The following ERAP2 variants were observed in gnomAD, a reference collection of about 807,000 sequenced individuals.
ERAP2 encodes leukocyte-derived arginine aminopeptidase.
Under a neutral mutation model 111.1 loss-of-function variants are expected in ERAP2, and 118 were observed. The observed-to-expected ratio is 1.06, with a 90% CI of 0.92 to 1.24. The LOEUF (loss-of-function observed/expected upper bound fraction) is 1.24. ERAP2 is among the 50% of genes most tolerant of loss of function. The pLI is 0.00. For synonymous variants in ERAP2, 410 were observed against 401.2 expected, an observed-to-expected ratio of 1.02 and a Z score of -0.26; for missense variants, 1,131 against 1,125.8, an observed-to-expected ratio of 1.00 and a Z score of -0.07.
chr5:96,906,833 A>T (rs1291061805), intron 13 of ERAP2, among the ~76,000 whole-genome samples: 1 of 152,152 alleles, frequency 6.6e-6, no homozygotes, highest in Non-Finnish European at 1.5e-5. Context: ...GGAGTTCAAG[A>T]CCAGCCTGGC....
At position 96,896,854 on chromosome 5, in the gene ERAP2, T is replaced by C. The variant is rs1784909705; in HGVS notation, c.1494T>C (p.Ser498=). ...CTAAGAATGATGACTTGTGGAGCAG[T>C]CTGTCAAATGTAAGTCATATGTTGG... is the stretch of plus-strand genomic sequence containing the variant. ...RNAKNDDLWS[S]LSNSCLESDF... is the part of the protein sequence containing the mutation. The change falls in exon 9 of 19, where the codon AGT becomes AGC. Residue 498 remains serine (S), a synonymous_variant. Transcript: ENST00000437043. 9.9e-7 allele frequency: 1 copy of C among 1,008,738 alleles called. No individual in the cohort carries two copies. Among genetic ancestry groups the C allele is most frequent in the East Asian group, 5.0e-5 (1 of 20,100 alleles). 62.5% of individuals were successfully genotyped at this position (1,008,738 alleles called of 1,614,324 possible). A position where few individuals can be genotyped will look rare whatever the true frequency, so the allele number is the denominator to read the frequency against.
intron 4 of ERAP2, among the ~76,000 whole-genome samples, chr5:96,888,892 C>G (rs1377893150): frequency 6.6e-6 from 1 of 152,086 alleles, no homozygotes; most frequent in Admixed American, 6.6e-5. Flanking sequence ...AAGTGGGTTC[C>G]TCTCTATGAT....
At chr5:96,913,880 T>A (rs940530002) in intron 17 of ERAP2, among the ~76,000 whole-genome samples, 3 of 152,192 alleles carry the variant, frequency 2.0e-5, no homozygotes, top group African/African-American at 7.2e-5. Flanking sequence ...TAAGAGCTAC[T>A]CCTCACCCCT....
chr5:96,915,756 A>G lies in ERAP2; in HGVS notation c.2726A>G (p.Asp909Gly). ...SGTTAHFSSK[D>G]KLQEVKLFFE... is the part of the protein sequence containing the mutation. ...ACAACAGCTCACTTTTCTTCCAAGG[A>G]TAAGTTGCAAGAGGTTTGTGACTTT... The change falls in exon 18 of 19, where the codon GAT becomes GGT. Residue 909 changes from aspartate (D) to glycine (G), a missense_variant. By Grantham distance (94) the Asp-to-Gly change is moderately conservative. Coordinates refer to ENST00000437043, the MANE Select transcript of ERAP2 (RefSeq NM_022350.5). 4 of 1,602,110 alleles carry G rather than the reference A, an allele frequency of 2.5e-6. No individual in the cohort carries two copies. The highest frequency in any genetic ancestry group is 1.1e-5 in the South Asian group (1 of 88,948).
rs139804478 is a variant in ERAP2, at chr5:96,902,287, A to T, written c.1762A>T (p.Ile588Phe). The change falls in exon 12 of 19, where the codon ATC becomes TTC. Residue 588 changes from isoleucine to phenylalanine, a missense_variant. Ile to Phe is a conservative substitution (Grantham distance 21, BLOSUM62 0). Coordinates refer to ENST00000437043, the MANE Select transcript of ERAP2 (RefSeq NM_022350.5). The stretch of plus-strand genomic sequence containing the variant: ...TCTCTGTCATAGGTACCTGTGGCAT[A>T]TCCCATTGACCTACTCCACGAGTTC... ...RALQERYLWH[I>F]PLTYSTSSSN... 64 of 1,608,062 alleles carry T rather than the reference A, an allele frequency of 4.0e-5. No homozygotes were observed. The African/African-American group carries it at 8.4e-4, about 21-fold the overall frequency.
At chr5:96,909,481 A>G in intron 14 of ERAP2, 99 bp from the exon 15 acceptor site, 1 of 892,528 alleles carries the variant, frequency 1.1e-6, no homozygotes, top group Non-Finnish European at 1.8e-6. Context: ...AAAGATTGGG[A>G]AAGATGCAGA....
chr5:96,882,744 C>A (rs1783283203), intron 2 of ERAP2, among the ~76,000 whole-genome samples: 1 of 152,124 alleles, frequency 6.6e-6, no homozygotes, highest in African/African-American at 2.4e-5. Flanking sequence ...ACAAATAAAA[C>A]CTTGAGGCCA....
chr5:96,895,165 T>C, intron 6 of ERAP2, 81 bp from the exon 7 acceptor site: 2 of 772,626 alleles, frequency 2.6e-6, no homozygotes, highest in Non-Finnish European at 2.1e-6. Flanking sequence ...AAAAAAAAAG[T>C]TAGTAACTAT....
In ERAP2 at chr5:96,889,306, G is replaced by A; in HGVS notation, c.970+1G>A. The A allele has an allele frequency of 6.2e-7, 1 of 1,613,962 alleles. No homozygotes were observed. The highest frequency in any genetic ancestry group is 8.5e-7 in the Non-Finnish European group (1 of 1,179,926). On this transcript the variant is annotated splice_donor_variant, in intron 5 of 18. Transcript: ENST00000437043. LOFTEE classifies it high-confidence loss of function. ...ATCTACTATCCACTCTCCAAACTGG[G>A]TATGTTCAAATTCCACATTATTGTC...
At chr5:96,884,684 AG>A (rs1783540812) in intron 3 of ERAP2, among the ~76,000 whole-genome samples, 1 of 150,676 alleles carries the variant, frequency 6.6e-6, no homozygotes, top group Non-Finnish European at 1.5e-5. Flanking sequence ...CAGCCTCCCA[AG>A]TAGCTGGGAT....
chr5:96,910,003 C>T (rs145598537), intron 15 of ERAP2: 229 of 378,408 alleles, frequency 6.1e-4, no homozygotes, highest in African/African-American at 4.2e-3. Context: ...CAGTGGCCCA[C>T]GCCTATAATC....
chr5:96,883,732 G>C (rs2151123493), intron 2 of ERAP2, 60 bp from the exon 3 acceptor site: 1 of 1,545,110 alleles, frequency 6.5e-7, no homozygotes, highest in Non-Finnish European at 8.7e-7. Context: ...TGAATGTACA[G>C]ATTCATTTCT....
chr5:96,903,595 A>G (rs773489558), intron 13 of ERAP2, 35 bp downstream of exon 13: 1 of 1,545,110 alleles, frequency 6.5e-7, no homozygotes, highest in South Asian at 1.2e-5. Flanking sequence ...CATGCAAAAT[A>G]ACTGATTCGT....
rs1350253442 is a variant in ERAP2, at chr5:96,896,728, A to T, written c.1372-4A>T. ...TTTTTCAACTCTTTTGTTTTTTTTT[A>T]AAGGGAGCTTGTATTTTGAATATGC... On this transcript the variant is annotated splice_region_variant and splice_polypyrimidine_tract_variant and intron_variant, in intron 8 of 18. Transcript: ENST00000437043. 4.9e-5 allele frequency: 75 copies of T among 1,520,546 alleles called. No homozygotes were observed. The highest frequency in any genetic ancestry group is 3.2e-4 in the Admixed American group (14 of 43,604). 94.2% of individuals were successfully genotyped at this position (1,520,546 alleles called of 1,614,324 possible).
Position 96,880,011 on chromosome 5 carries a change from T to A in ERAP2, c.326T>A (p.Ile109Asn). The change falls in exon 2 of 19, where the codon ATC (isoleucine) becomes AAC (asparagine). Residue 109 changes from isoleucine (I) to asparagine (N), a missense_variant. Physicochemically the swap from Ile to Asn is moderately radical, Grantham distance 149 (BLOSUM62 -3). Around this residue, in one of 3 missense-constraint regions of ERAP2, gnomAD observed 847 missense variants for 856.5 expected, o/e 0.99. Coordinates refer to ENST00000437043, the MANE Select transcript of ERAP2 (RefSeq NM_022350.5). ...GTCAGCAATGCTACCCAGTTTATCA[T>A]CTTGCACAGCAAAGATCTTGAAATC... ...VLVSNATQFI[I>N]LHSKDLEITN... The A allele has an allele frequency of 6.2e-7, 1 of 1,614,184 alleles. No homozygotes were observed. Among genetic ancestry groups the A allele is most frequent in the Non-Finnish European group, 8.5e-7 (1 of 1,180,032 alleles).
intron 2 of ERAP2, among the ~76,000 whole-genome samples, chr5:96,881,817 A>C (rs1441136321): frequency 6.6e-6 from 1 of 152,150 alleles, no homozygotes; most frequent in Non-Finnish European, 1.5e-5. Context: ...ACTTGAATCT[A>C]ACACTCTTTA....
In ERAP2 at chr5:96,909,749, C is replaced by T; in HGVS notation, c.2339C>T (p.Ser780Phe). 6.2e-7 allele frequency: 1 copy of T among 1,613,974 alleles called. No individual in the cohort carries two copies. The highest frequency in any genetic ancestry group is 1.3e-5 in the African/African-American group (1 of 75,022). ...AAELFSQWME[S>F]SGKLNIPTDV... ...GAACTCTTCTCCCAGTGGATGGAAT[C>T]CAGTGGAAAATTAAAGTAGATGTAG... Residue 780 changes from serine (S) to phenylalanine (F), a missense_variant, in exon 15 of 19, where the codon TCC becomes TTC. This residue lies in a region of ERAP2 where 279 missense variants were observed against 250.9 expected (regional missense o/e 1.11). Transcript: ENST00000437043.
At chr5:96,896,967 T>TGGGTAACGATAGACTGTG in intron 9 of ERAP2, 104 bp downstream of exon 9, 2 of 427,026 alleles carry the variant, frequency 4.7e-6, no homozygotes, top group South Asian at 6.2e-5. Flanking sequence ...CAACCATATT[T>TGGGTAACGATAGACTGTG]ATTCTGCTTG....
intron 5 of ERAP2, among the ~76,000 whole-genome samples, chr5:96,892,019 A>G (rs760134427): frequency 4.6e-5 from 7 of 152,206 alleles, no homozygotes; most frequent in Non-Finnish European, 7.3e-5. Flanking sequence ...AAGGCACCCA[A>G]AATATTTTCA....
Sources: gnomAD v4.1 joint callset for allele counts (sites outside exome capture counted in the v4.1 genomes callset) on GRCh38, gnomAD v4.1.1 for gene constraint, gnomAD v4.1.1 regional missense constraint, MANE v1.5 for transcripts, NCBI Gene and HGNC (gene_info 2026-07-23, HGNC 2026-07-21) for gene names.